Variants in TANC2 observed in about 807,000 individuals in gnomAD.
TANC2 encodes tetratricopeptide repeat, ankyrin repeat and coiled-coil containing 2.
In TANC2, 26 loss-of-function variants were observed where a neutral mutation model predicts 210.5. That is an observed-to-expected ratio of 0.12 (90% CI 0.09 to 0.17). The LOEUF is 0.17. TANC2 is among the 10% of genes least tolerant of loss of function. TANC2 has a pLI of 1.00. For missense variants in TANC2, 2,129 were observed against 2,608.9 expected (o/e 0.82, Z 4.01); for synonymous variants, 931 against 967.1 (o/e 0.96, Z 0.69).
chr17:63,125,606 T>C (rs1006219779), intron 4 of TANC2, among the ~76,000 whole-genome samples: 1 of 152,214 alleles, frequency 6.6e-6, no homozygotes, highest in East Asian at 1.9e-4. Flanking sequence ...ATTGTAACCA[T>C]TAATGTTCAG....
At chr17:63,336,491 A>G (rs897557599) in intron 11 of TANC2, among the ~76,000 whole-genome samples, 1 of 152,188 alleles carries the variant, frequency 6.6e-6, no homozygotes, top group African/African-American at 2.4e-5. Flanking sequence ...GAAGTTTATG[A>G]CTAGTTTTAT....
intron 1 of TANC2, among the ~76,000 whole-genome samples, chr17:62,971,666 C>T (rs2031701768): frequency 6.6e-6 from 1 of 152,210 alleles, no homozygotes; most frequent in Admixed American, 6.5e-5. Context: ...TCTCTAACCC[C>T]TGGACCATCA....
chr17:63,257,666 A>G (rs1488724440), intron 8 of TANC2, among the ~76,000 whole-genome samples: 3 of 152,148 alleles, frequency 2.0e-5, no homozygotes, highest in Non-Finnish European at 4.4e-5. Context: ...AGCCACAGGT[A>G]ACATCTTATA....
At chr17:63,225,762 T>C (rs1191377982) in intron 7 of TANC2, among the ~76,000 whole-genome samples, 2 of 152,250 alleles carry the variant, frequency 1.3e-5, no homozygotes, top group Non-Finnish European at 2.9e-5. Context: ...AGGTCAATAT[T>C]TCTAACTCGG....
intron 5 of TANC2, among the ~76,000 whole-genome samples, chr17:63,193,226 T>C (rs943067928): frequency 6.6e-5 from 10 of 152,202 alleles, no homozygotes; most frequent in Admixed American, 1.3e-4. Context: ...TCTATTTATG[T>C]TGCCTCTGGG....
chr17:63,314,046 G>T (rs2045223630), intron 9 of TANC2, among the ~76,000 whole-genome samples: 1 of 152,112 alleles, frequency 6.6e-6, no homozygotes, highest in Non-Finnish European at 1.5e-5. Flanking sequence ...AGGCCTTTAG[G>T]TCCCTTCTTC....
At chr17:63,335,786 A>G (rs1396829820) in intron 11 of TANC2, among the ~76,000 whole-genome samples, 2 of 152,132 alleles carry the variant, frequency 1.3e-5, no homozygotes, top group Non-Finnish European at 2.9e-5. Context: ...TATAGGTAAT[A>G]GTATTGCCAA....
At chr17:63,109,143 A>G (rs974645989) in intron 4 of TANC2, among the ~76,000 whole-genome samples, 4 of 151,714 alleles carry the variant, frequency 2.6e-5, no homozygotes, top group Admixed American at 2.6e-4. Context: ...GAAAACAAGA[A>G]GTACTGAAAA....
intron 4 of TANC2, 136 bp downstream of exon 4, chr17:63,099,493 T>TAAA (rs3060701): frequency 9.7e-3 from 3,485 of 358,784 alleles, no homozygotes; most frequent in South Asian, 0.022. Context: ...CTCTTGACAC[T>TAAA]AAAAAAAAAA....
chr17:63,048,716 T>TTC (rs1305782789), intron 2 of TANC2, among the ~76,000 whole-genome samples: 1 of 152,112 alleles, frequency 6.6e-6, no homozygotes, highest in Non-Finnish European at 1.5e-5. Flanking sequence ...GTACTACATG[T>TTC]TCTCTCTTAT....
intron 2 of TANC2, among the ~76,000 whole-genome samples, chr17:63,015,784 T>G (rs1438850448): frequency 6.6e-6 from 1 of 152,070 alleles, no homozygotes; most frequent in African/African-American, 2.4e-5. Context: ...TTAAATGAGC[T>G]ATAAAGAAAA....
intron 2 of TANC2, among the ~76,000 whole-genome samples, chr17:63,064,681 CA>C (rs1187116678): frequency 6.6e-6 from 1 of 151,924 alleles, no homozygotes; most frequent in African/African-American, 2.4e-5. Context: ...GGTTGGAATA[CA>C]AAAATTATTG....
At chr17:63,000,089 G>C (rs975637281) in intron 1 of TANC2, among the ~76,000 whole-genome samples, 2 of 152,158 alleles carry the variant, frequency 1.3e-5, no homozygotes, top group Non-Finnish European at 2.9e-5. Context: ...GAGGATGGAG[G>C]GGTGTGGAAG....
intron 4 of TANC2, among the ~76,000 whole-genome samples, chr17:63,100,256 TTCTG>T (rs1330713772): frequency 1.3e-5 from 2 of 152,168 alleles, no homozygotes; most frequent in Non-Finnish European, 2.9e-5. Flanking sequence ...TTTTGGGCAC[TTCTG>T]TCTATGTAGA....
At chr17:63,088,835 C>G (rs573291625) in intron 3 of TANC2, 1 of 152,136 alleles carries the variant, frequency 6.6e-6, no homozygotes, top group African/African-American at 2.4e-5. Flanking sequence ...TTTGAATTCT[C>G]CCATGTCTCT....
At chr17:63,201,061 T>C (rs577573073) in intron 7 of TANC2, 104 bp downstream of exon 7, 1 of 1,041,842 alleles carries the variant, frequency 9.6e-7, no homozygotes, top group South Asian at 1.8e-5. Context: ...ATTGTTGAGA[T>C]GTATATATAA....
chr17:63,065,143 G>T (rs2036150928), intron 2 of TANC2, among the ~76,000 whole-genome samples: 1 of 152,172 alleles, frequency 6.6e-6, no homozygotes, highest in African/African-American at 2.4e-5. Context: ...AGACAATGGA[G>T]TATTTATCTT....
chr17:63,158,231 T>C (rs1374099675), intron 5 of TANC2, among the ~76,000 whole-genome samples: 1 of 152,204 alleles, frequency 6.6e-6, no homozygotes, highest in Non-Finnish European at 1.5e-5. Context: ...TCTGGTTCCT[T>C]GTCTATAAAA....
rs749717844 is a variant in TANC2, at chr17:63,421,818, G to A, written c.6088G>A (p.Asp2030Asn). The A allele has an allele frequency of 9.3e-6, 15 of 1,613,864 alleles. No homozygotes were observed. Among genetic ancestry groups the A allele is most frequent in the South Asian group, 7.7e-5 (7 of 91,080 alleles). ...AGTCAGCCAGGCCTCCTCCTATCCC[G>A]ACGTGAAGGTAGCTCGGACTCTACC... Residue 2030 changes from aspartate to asparagine, a missense_variant, in exon 28 of 28, where the codon GAC becomes AAC. Coordinates refer to ENST00000689528, the Ensembl canonical transcript of TANC2. This position sits in a 1 kb window ranked among gnomAD's most constrained non-coding sequence, Gnocchi z 6.9.
Sources: allele counts gnomAD v4.1 joint callset (sites outside exome capture counted in the v4.1 genomes callset), GRCh38; gene constraint gnomAD v4.1.1; non-coding constraint Gnocchi (gnomAD v3.1); transcripts MANE v1.5; gene names NCBI Gene and HGNC (gene_info 2026-07-23, HGNC 2026-07-21).